Variants in YAP1 observed in about 807,000 individuals in gnomAD.
The protein encoded by YAP1 is transcriptional coactivator YAP1.
Under a neutral mutation model 56.9 loss-of-function variants are expected in YAP1, and 5 were observed. That is an observed-to-expected ratio of 0.09 (90% CI 0.05 to 0.18). YAP1 has a LOEUF of 0.18. YAP1 is among the 10% of genes least tolerant of loss of function. The probability of loss-of-function intolerance (pLI) is 1.00; values close to 1 mark genes in which losing one functional copy is unlikely to be tolerated. For synonymous variants in YAP1, 265 were observed against 248.1 expected (o/e 1.07, Z -0.64); for missense variants, 539 against 651.8 (o/e 0.83, Z 1.88).
intron 2 of YAP1, among the ~76,000 whole-genome samples, chr11:102,161,308 C>T (rs962746898): frequency 2.0e-5 from 3 of 150,102 alleles, no homozygotes; most frequent in Non-Finnish European, 4.4e-5. Context: ...GTGATCTGCC[C>T]GCCTCGGCCT....
At chr11:102,153,360 A>C (rs1945772095) in intron 2 of YAP1, among the ~76,000 whole-genome samples, 1 of 152,220 alleles carries the variant, frequency 6.6e-6, no homozygotes, top group African/African-American at 2.4e-5. Flanking sequence ...TCCCCACCAC[A>C]GTTGTAGTGG....
At chr11:102,203,507 T>TA (rs1406394763) in intron 4 of YAP1, among the ~76,000 whole-genome samples, 1 of 152,176 alleles carries the variant, frequency 6.6e-6, no homozygotes, top group Non-Finnish European at 1.5e-5. Flanking sequence ...AAATTATGGG[T>TA]AAAATGCTAT....
intron 6 of YAP1, among the ~76,000 whole-genome samples, chr11:102,217,784 G>A (rs1013454306): frequency 3.9e-5 from 6 of 151,990 alleles, no homozygotes; most frequent in African/African-American, 1.5e-4. Flanking sequence ...CTGCCTCCCG[G>A]GTTCAAGCGA....
At chr11:102,192,082 C>G (rs184602837) in intron 4 of YAP1, among the ~76,000 whole-genome samples, 65 of 152,210 alleles carry the variant, frequency 4.3e-4, no homozygotes, top group Non-Finnish European at 5.4e-4. Context: ...CAGCTTTGAC[C>G]TTTCCCTTTA....
intron 4 of YAP1, among the ~76,000 whole-genome samples, chr11:102,196,773 G>C (rs936869837): frequency 6.6e-6 from 1 of 151,940 alleles, no homozygotes; most frequent in African/African-American, 2.4e-5. Flanking sequence ...TTATTTCTAG[G>C]CATGATGTCA....
At position 102,110,996 on chromosome 11, in the gene YAP1, G is replaced by C; in HGVS notation, c.148G>C (p.Ala50Pro). ...CCAGGCGGCGCCGCAGGCACCCCCC[G>C]CCGGGCATCAGATCGTGCACGTCCG... ...ATQAAPQAPPAGHQIVHVRGD... is the reference protein window; with the variant it reads ...ATQAAPQAPPPGHQIVHVRGD... The change falls in exon 1 of 9, where the codon GCC (alanine) becomes CCC (proline). Residue 50 changes from alanine (A) to proline (P), a missense_variant. Ala to Pro is a conservative substitution (Grantham distance 27). Transcript: ENST00000282441. The C allele has an allele frequency of 1.3e-6, 2 of 1,562,798 alleles. No individual in the cohort carries two copies. The highest frequency in any genetic ancestry group is 1.7e-6 in the Non-Finnish European group (2 of 1,157,342).
At chr11:102,127,414 G>C (rs1944099332) in intron 2 of YAP1, among the ~76,000 whole-genome samples, 1 of 152,208 alleles carries the variant, frequency 6.6e-6, no homozygotes, top group South Asian at 2.1e-4. Flanking sequence ...GTATGGCTCA[G>C]GCTGTGGCTT....
At chr11:102,175,993 C>T (rs760902606) in intron 3 of YAP1, among the ~76,000 whole-genome samples, 5 of 152,040 alleles carry the variant, frequency 3.3e-5, no homozygotes, top group Non-Finnish European at 7.4e-5. Context: ...TTGTTTAAGG[C>T]ATATATGGTC....
chr11:102,125,469 T>G (rs1367841947), intron 2 of YAP1, among the ~76,000 whole-genome samples: 1 of 151,270 alleles, frequency 6.6e-6, no homozygotes, highest in East Asian at 1.9e-4. Context: ...CTCCGCCTCC[T>G]GGGTTCAAGT....
chr11:102,139,168 A>G (rs1944857934), intron 2 of YAP1, among the ~76,000 whole-genome samples: 1 of 151,730 alleles, frequency 6.6e-6, no homozygotes, highest in South Asian at 2.1e-4. Context: ...CGGCACTGTG[A>G]TTCATACTCC....
intron 3 of YAP1, among the ~76,000 whole-genome samples, chr11:102,177,830 A>G (rs1253521101): frequency 6.6e-6 from 1 of 152,174 alleles, no homozygotes; most frequent in East Asian, 1.9e-4. Context: ...TGTGAGAGGC[A>G]TTAAAGATAT....
At position 102,194,102 on chromosome 11, in the gene YAP1, G is replaced by A. The variant is rs1255390532; in HGVS notation, c.802+7971G>A. On this transcript the variant is annotated intron_variant, in intron 4 of 8. Transcript: ENST00000282441. ...TTACAGGCGTGAGCCACCGTGCCAAGCCTTTTACATAGTTTTTTAAAAGGA... is the reference window on the plus strand; with the variant it reads ...TTACAGGCGTGAGCCACCGTGCCAAACCTTTTACATAGTTTTTTAAAAGGA... 2.0e-5 allele frequency among the ~76,000 whole-genome samples: 3 copies of A among 152,190 alleles called. No homozygotes were observed. In the East Asian group the frequency reaches 5.8e-4, roughly 29 times the overall value.
rs186325396 is a variant in YAP1, at chr11:102,232,534, C to T, written c.*2594C>T. 1 of 152,582 alleles carries T rather than the reference C, an allele frequency of 6.6e-6. No homozygotes were observed. Among genetic ancestry groups the T allele is most frequent in the East Asian group, 1.9e-4 (1 of 5,180 alleles). 9.5% of individuals were successfully genotyped at this position (152,582 alleles called of 1,614,324 possible). ...CACAGTGCTTTGATCTTACGATGCC[C>T]TCTGTACTGACCTGAAGGAGACCTA... On this transcript the variant is annotated 3_prime_UTR_variant, in exon 9 of 9. Transcript: ENST00000282441.
chr11:102,121,652 A>AGT (rs1432959036), intron 2 of YAP1, among the ~76,000 whole-genome samples: 4 of 152,262 alleles, frequency 2.6e-5, no homozygotes, highest in African/African-American at 9.6e-5. Context: ...CAAAGACTGT[A>AGT]GTATATATAT....
intron 2 of YAP1, among the ~76,000 whole-genome samples, chr11:102,140,318 G>C (rs541395831): frequency 1.3e-5 from 2 of 152,098 alleles, no homozygotes; most frequent in Non-Finnish European, 2.9e-5. Context: ...AGCAACAATT[G>C]ATAGGAATTA....
At chr11:102,200,443 G>C (rs2135570383) in intron 4 of YAP1, among the ~76,000 whole-genome samples, 1 of 146,978 alleles carries the variant, frequency 6.8e-6, no homozygotes, top group African/African-American at 2.6e-5. Context: ...TAAAGAATAA[G>C]CTTTTTTTTT....
At chr11:102,223,484 T>C (rs919867372) in intron 6 of YAP1, 138 bp from the exon 7 acceptor site, 2 of 908,868 alleles carry the variant, frequency 2.2e-6, no homozygotes, top group African/African-American at 3.4e-5. Context: ...GTCATTCTGA[T>C]TGGGAAATGT....
chr11:102,228,401 G>A (rs1046957155), intron 8 of YAP1, among the ~76,000 whole-genome samples: 11 of 151,832 alleles, frequency 7.2e-5, no homozygotes, highest in African/African-American at 1.5e-4. Context: ...TTGGGAGGCC[G>A]AGGTAGCCAG....
At chr11:102,212,027 A>T (rs1210619424) in intron 6 of YAP1, among the ~76,000 whole-genome samples, 2 of 152,160 alleles carry the variant, frequency 1.3e-5, no homozygotes, top group Non-Finnish European at 2.9e-5. Context: ...TTAAGTGAAG[A>T]TGGCTTTAAA....
Sources: gnomAD v4.1 joint callset for allele counts (sites outside exome capture counted in the v4.1 genomes callset) on GRCh38, gnomAD v4.1.1 for gene constraint, MANE v1.5 for transcripts, NCBI Gene and HGNC (gene_info 2026-07-23, HGNC 2026-07-21) for gene names.